Variants in CYB5R4 observed in about 807,000 individuals in gnomAD.
CYB5R4 encodes the protein cytochrome b5 reductase 4, also known as N-terminal cytochrome b5 and cytochrome b5 oxidoreductase domain-containing protein.
CYB5R4 carries 55 observed loss-of-function variants against 70.2 expected under a neutral mutation model. The ratio of observed to expected loss-of-function variants is 0.78; its 90% CI spans 0.63 to 0.98. The LOEUF (loss-of-function observed/expected upper bound fraction) is 0.98. Ranked by LOEUF, CYB5R4 falls within the 50% of genes least tolerant of loss-of-function variation. The probability of loss-of-function intolerance (pLI) is 0.00; values close to 1 mark genes in which losing one functional copy is unlikely to be tolerated. For missense variants in CYB5R4, 562 were observed against 612.6 expected (o/e 0.92, Z 0.87); for synonymous variants, 197 against 199.5 (o/e 0.99, Z 0.11).
chr6:83,864,643 A>G (rs1294357042), intron 2 of CYB5R4, among the ~76,000 whole-genome samples: 1 of 152,194 alleles, frequency 6.6e-6, no homozygotes, highest in African/African-American at 2.4e-5. Flanking sequence ...AATCCAGTTT[A>G]TATAGCAATA....
rs188168717 is a variant in CYB5R4 at position 83,963,976 on chromosome 6, C to T, written c.*4098C>T. 5.5e-5 allele frequency: 12 copies of T among 218,036 alleles called. No homozygotes were observed. The highest frequency in any genetic ancestry group is 2.7e-4 in the East Asian group (2 of 7,364). 13.5% of individuals were successfully genotyped at this position (218,036 alleles called of 1,614,324 possible). A position where few individuals can be genotyped will look rare whatever the true frequency, so the allele number is the denominator to read the frequency against. Reference sequence around the variant, plus strand: ...TTTGCATCTTACTCATTTTCTCTTGCGGCCGCCATGTAAGAAGTGCCTTTC... The same window carrying T: ...TTTGCATCTTACTCATTTTCTCTTGTGGCCGCCATGTAAGAAGTGCCTTTC... On this transcript the variant is annotated 3_prime_UTR_variant, in exon 16 of 16. Transcript: ENST00000369681.
At chr6:83,922,294 G>A (rs991707083) in intron 8 of CYB5R4, 144 bp from the exon 9 acceptor site, 1 of 551,998 alleles carries the variant, frequency 1.8e-6, no homozygotes, top group Non-Finnish European at 3.2e-6. Context: ...TTTTGATTGT[G>A]TAAAATTGTT....
At chr6:83,891,069 A>G (rs1331794040) in intron 2 of CYB5R4, among the ~76,000 whole-genome samples, 1 of 152,036 alleles carries the variant, frequency 6.6e-6, no homozygotes, top group Non-Finnish European at 1.5e-5. Context: ...CAGCCTCCCA[A>G]GTAGCAGGGG....
intron 14 of CYB5R4, among the ~76,000 whole-genome samples, chr6:83,948,938 C>T (rs2099471095): frequency 6.6e-6 from 1 of 151,954 alleles, no homozygotes; most frequent in South Asian, 2.1e-4. Flanking sequence ...TCTGGCCTGC[C>T]TTTATCCTCC....
At chr6:83,887,363 G>A (rs2099460416) in intron 2 of CYB5R4, among the ~76,000 whole-genome samples, 1 of 152,130 alleles carries the variant, frequency 6.6e-6, no homozygotes, top group Admixed American at 6.6e-5. Flanking sequence ...ACAACACAAA[G>A]TACTAAATGG....
chr6:83,943,186 G>T (rs2099470032), intron 14 of CYB5R4, among the ~76,000 whole-genome samples: 1 of 152,114 alleles, frequency 6.6e-6, no homozygotes, highest in Non-Finnish European at 1.5e-5. Context: ...CCCCAGCAGG[G>T]GTCAACAGAC....
Position 83,965,138 on chromosome 6 carries a change from T to A in CYB5R4, c.*5260T>A, listed in dbSNP as rs1474877283. Reference sequence around the variant, plus strand: ...TGGAGCCCCCTCACAGAGTCCCTACTGGGACACCGCCTAGTGGAGCTGTGA... The same window carrying A: ...TGGAGCCCCCTCACAGAGTCCCTACAGGGACACCGCCTAGTGGAGCTGTGA... On this transcript the variant is annotated 3_prime_UTR_variant, in exon 16 of 16. Coordinates refer to ENST00000369681, the MANE Select transcript of CYB5R4 (RefSeq NM_016230.4). The A allele has an allele frequency of 6.6e-6, 1 of 152,266 alleles. No homozygotes were observed. The highest frequency in any genetic ancestry group is 1.5e-5 in the Non-Finnish European group (1 of 68,100). The allele number at this position is 152,266 out of a possible 1,614,324, so 9.4% of individuals were successfully genotyped here. A position where few individuals can be genotyped will look rare whatever the true frequency, so the allele number is the denominator to read the frequency against.
intron 2 of CYB5R4, among the ~76,000 whole-genome samples, chr6:83,892,578 T>C (rs1019664364): frequency 3.9e-5 from 6 of 152,182 alleles, no homozygotes; most frequent in African/African-American, 1.4e-4. Flanking sequence ...TCCCTATTCC[T>C]TTCTTAAAAG....
At chr6:83,908,960 C>A (rs530277208) in intron 3 of CYB5R4, 49 bp from the exon 4 acceptor site, 2 of 1,489,020 alleles carry the variant, frequency 1.3e-6, no homozygotes, top group Admixed American at 1.7e-5. Context: ...ATGAGAGCAT[C>A]CTGTGGAGTT....
At chr6:83,888,939 T>C (rs933387407) in intron 2 of CYB5R4, among the ~76,000 whole-genome samples, 3 of 152,198 alleles carry the variant, frequency 2.0e-5, no homozygotes, top group Admixed American at 1.3e-4. Context: ...ATTGGTGATA[T>C]GGAGAAAGCT....
chr6:83,902,473 T>G (rs1006091279), intron 3 of CYB5R4, among the ~76,000 whole-genome samples: 3 of 152,218 alleles, frequency 2.0e-5, no homozygotes, highest in African/African-American at 7.2e-5. Flanking sequence ...ATCTTTGTTC[T>G]TTTTGCTCAG....
At position 83,953,642 on chromosome 6, in the gene CYB5R4, A is replaced by G. The variant is rs370069280; in HGVS notation, c.1347-1656A>G. Among the ~76,000 whole-genome samples the G allele has an allele frequency of 2.0e-5, 3 of 152,250 alleles. No homozygotes were observed. The East Asian group carries it at 5.8e-4, about 29-fold the overall frequency. Reference sequence around the variant, plus strand: ...TGGCAATGGTATATCAAATAGATTAAGGGCTAAGGCTGTTAATGTAATATT... The same window carrying G: ...TGGCAATGGTATATCAAATAGATTAGGGGCTAAGGCTGTTAATGTAATATT... On this transcript the variant is annotated intron_variant, in intron 14 of 15. Coordinates refer to ENST00000369681, the MANE Select transcript of CYB5R4 (RefSeq NM_016230.4).
rs2099467592 is a variant in CYB5R4, at chr6:83,927,992, G to C, written c.814+3400G>C. On this transcript the variant is annotated intron_variant, in intron 10 of 15. Transcript: ENST00000369681. ...TCAGGGATTTAGGAATTCTGTTTAA[G>C]ACACTTGTAGTACTTAGGAGATTAC... 2.0e-5 allele frequency among the ~76,000 whole-genome samples: 3 copies of C among 152,140 alleles called. No homozygotes were observed. In the South Asian group the frequency reaches 6.2e-4, roughly 31 times the overall value.
At chr6:83,876,304 A>AT (rs1019890290) in intron 2 of CYB5R4, among the ~76,000 whole-genome samples, 6 of 152,106 alleles carry the variant, frequency 3.9e-5, no homozygotes, top group Non-Finnish European at 8.8e-5. Context: ...CTTAAGGGTC[A>AT]TTTTTGTCAT....
At chr6:83,896,221 A>C (rs551162565) in intron 3 of CYB5R4, among the ~76,000 whole-genome samples, 91 of 152,242 alleles carry the variant, frequency 6.0e-4, no homozygotes, top group Middle Eastern at 3.4e-3. Flanking sequence ...TATTATTTTA[A>C]TACTGTCTTG....
chr6:83,938,557 A>G (rs148459561), intron 12 of CYB5R4, among the ~76,000 whole-genome samples: 36 of 152,350 alleles, frequency 2.4e-4, no homozygotes, highest in African/African-American at 7.9e-4. Flanking sequence ...TCAATGGGAC[A>G]TGTAATGTTC....
At position 83,940,160 on chromosome 6, in the gene CYB5R4, A is replaced by G. The variant is rs373592531; in HGVS notation, c.1213A>G (p.Met405Val). The G allele has an allele frequency of 2.9e-5, 46 of 1,610,542 alleles. No homozygotes were observed. The highest frequency in any genetic ancestry group is 3.4e-5 in the Non-Finnish European group (40 of 1,177,820). Residue 405 changes from methionine (M) to valine (V), a missense_variant, in exon 13 of 16, where the codon ATG becomes GTG. Physicochemically the swap from Met to Val is conservative, Grantham distance 21. Transcript: ENST00000369681. ...GGCAGCTGGAACAGGCTTCACACCA[A>G]TGGTTAAAATACTGAATTATGCTTT... ...LLAAGTGFTP[M>V]VKILNYALTD...
chr6:83,909,552 G>A (rs1468436175), intron 4 of CYB5R4, among the ~76,000 whole-genome samples: 1 of 152,078 alleles, frequency 6.6e-6, no homozygotes, highest in Non-Finnish European at 1.5e-5. Context: ...CTAGCTCTGA[G>A]ATGGAAGAGG....
intron 6 of CYB5R4, among the ~76,000 whole-genome samples, chr6:83,919,011 A>G (rs1427991412): frequency 6.6e-6 from 1 of 152,084 alleles, no homozygotes; most frequent in Non-Finnish European, 1.5e-5. Context: ...CTTCACTACT[A>G]ATATATTTGT....
Sources: allele counts gnomAD v4.1 joint callset (sites outside exome capture counted in the v4.1 genomes callset), GRCh38; gene constraint gnomAD v4.1.1; transcripts MANE v1.5; gene names NCBI Gene and HGNC (gene_info 2026-07-23, HGNC 2026-07-21).